The following CDSN variants were observed in gnomAD, a reference collection of about 807,000 sequenced individuals.
CDSN encodes the protein S protein.
In CDSN, 11 loss-of-function variants were observed where a neutral mutation model predicts 25.6. The ratio of observed to expected loss-of-function variants is 0.43; its 90% CI spans 0.27 to 0.71. CDSN has a LOEUF of 0.71. Among genes scored for constraint, CDSN ranks in the 30% least tolerant of loss-of-function variants. CDSN has a pLI of 0.20. For synonymous variants in CDSN, 266 were observed against 267.4 expected, an observed-to-expected ratio of 0.99 and a Z score of 0.05; for missense variants, 598 against 670.9, an observed-to-expected ratio of 0.89 and a Z score of 1.20.
chr6:31,119,728 T>C (rs1772361165), intron 1 of CDSN, among the ~76,000 whole-genome samples: 1 of 148,090 alleles, frequency 6.8e-6, no homozygotes, highest in Non-Finnish European at 1.5e-5. Flanking sequence ...TGAAACCCTG[T>C]TTCTACTAAA....
In CDSN at chr6:31,116,757, G is replaced by A; in HGVS notation, c.858C>T (p.Ile286=). 9 of 1,613,182 alleles carry A rather than the reference G, an allele frequency of 5.6e-6. No individual in the cohort carries two copies. Among genetic ancestry groups the A allele is most frequent in the Non-Finnish European group, 7.6e-6 (9 of 1,180,028 alleles). The stretch of plus-strand genomic sequence containing the variant: ...CACCATAGGATTTGTCTACAGAGGT[G>A]ATTGGGGGACAGGGCTTGCCTGGAA... ...GGLPGKPCPP[I]TSVDKSYGGY... Residue 286 remains isoleucine (I), a synonymous_variant, in exon 2 of 2, where the codon ATC becomes ATT. Coordinates refer to ENST00000376288, the MANE Select transcript of CDSN (RefSeq NM_001264.5).
At chr6:31,118,669 C>T (rs1034624080) in intron 1 of CDSN, 7 of 152,284 alleles carry the variant, frequency 4.6e-5, no homozygotes, top group African/African-American at 1.7e-4. Context: ...TCTGCCTTCC[C>T]TAGCCCCTCC....
At position 31,117,490 on chromosome 6, in the gene CDSN, C is replaced by G. The variant is rs1439715201; in HGVS notation, c.125G>C (p.Cys42Ser). 5 of 1,552,174 alleles carry G rather than the reference C, an allele frequency of 3.2e-6. No individual in the cohort carries two copies. In the South Asian group the frequency reaches 5.9e-5, roughly 18 times the overall value. The change falls in exon 2 of 2, where the codon TGT becomes TCT. Residue 42 changes from cysteine to serine, a missense_variant. Transcript: ENST00000376288. ...AKSIGTFSDP[C>S]KDPTRITSPN... Reference sequence around the variant, plus strand: ...GGAGGTGATACGCGTGGGGTCCTTACAAGGGTCTGAGAAGGTGCCAATGCT... The same window carrying G: ...GGAGGTGATACGCGTGGGGTCCTTAGAAGGGTCTGAGAAGGTGCCAATGCT...
In CDSN at chr6:31,115,116, TTCC is replaced by T. The variant is rs1357352185; in HGVS notation, c.*906_*908del. On this transcript the variant is annotated 3_prime_UTR_variant, in exon 2 of 2. Transcript: ENST00000376288. This position sits in a 1 kb window ranked among gnomAD's most constrained non-coding sequence, Gnocchi z 4.2. ...TTCAGTTCAACAAATATTTATTGTCTTCCTCCTCTGTGGGAGCAGCTGGAAGGT... is the reference window on the plus strand; with the variant it reads ...TTCAGTTCAACAAATATTTATTGTCTTCCTCTGTGGGAGCAGCTGGAAGGT... 3 of 351,912 alleles carry T rather than the reference TTCC, an allele frequency of 8.5e-6. No individual in the cohort carries two copies. The highest frequency in any genetic ancestry group is 6.4e-5 in the African/African-American group (3 of 46,518). The allele number at this position is 351,912 out of a possible 1,614,324, so 21.8% of individuals were successfully genotyped here.
chr6:31,117,192 C>G lies in CDSN; in HGVS notation c.423G>C (p.Ser141=), dbSNP rs993254791. ...SSQLGSSSSH[S]GNSGSHSGSS... ...TTCCCGAGTGAGAGCCGCTGTTTCC[C>G]GAGTGAGAGCTGCTGCTCCCCAGCT... The change falls in exon 2 of 2, where the codon TCG becomes TCC. Residue 141 remains serine, a synonymous_variant. Transcript: ENST00000376288. The G allele has an allele frequency of 1.2e-6, 2 of 1,613,220 alleles. No homozygotes were observed. The highest frequency in any genetic ancestry group is 1.3e-5 in the African/African-American group (1 of 75,052).
chr6:31,117,353 A>T lies in CDSN; in HGVS notation c.262T>A (p.Ser88Thr). 6.3e-7 allele frequency: 1 copy of T among 1,577,602 alleles called. No homozygotes were observed. Among genetic ancestry groups the T allele is most frequent in the Non-Finnish European group, 8.6e-7 (1 of 1,161,360 alleles). Residue 88 changes from serine (S) to threonine (T), a missense_variant, in exon 2 of 2, where the codon TCC becomes ACC. By Grantham distance (58) the Ser-to-Thr change is moderately conservative. Coordinates refer to ENST00000376288, the MANE Select transcript of CDSN (RefSeq NM_001264.5). ...ISSARSSGGGSSGSSSGSSIA... is the reference protein window; with the variant it reads ...ISSARSSGGGTSGSSSGSSIA... Reference sequence around the variant, plus strand: ...CTGGATCCGCTGGAGCTACCACTGGAGCCACCACCAGAGCTTCTGGCACTG... The same window carrying T: ...CTGGATCCGCTGGAGCTACCACTGGTGCCACCACCAGAGCTTCTGGCACTG...
chr6:31,116,432 T>C lies in CDSN; in HGVS notation c.1183A>G (p.Ser395Gly). 1 of 1,590,660 alleles carries C rather than the reference T, an allele frequency of 6.3e-7. No individual in the cohort carries two copies. Among genetic ancestry groups the C allele is most frequent in the Non-Finnish European group, 8.6e-7 (1 of 1,168,412 alleles). ...TGSKGPCSPSSSRVPSSSSIS... is the reference protein window; with the variant it reads ...TGSKGPCSPSGSRVPSSSSIS... ...CTAGAACTGCTGGGGACTCGAGAAC[T>C]GGAGGGAGAGCAGGGTCCCTTGGAG... is the stretch of plus-strand genomic sequence containing the variant. The change falls in exon 2 of 2, where the codon AGT becomes GGT. Residue 395 changes from serine (S) to glycine (G), a missense_variant. Coordinates refer to ENST00000376288, the MANE Select transcript of CDSN (RefSeq NM_001264.5).
In CDSN at chr6:31,115,298, G is replaced by C. The variant is rs113009202; in HGVS notation, c.*727C>G. 4.1e-4 allele frequency: 82 copies of C among 201,734 alleles called. 1 individual carries two copies. Among genetic ancestry groups the C allele is most frequent in the African/African-American group, 1.8e-3 (78 of 42,678 alleles). 12.5% of individuals were successfully genotyped at this position (201,734 alleles called of 1,614,324 possible). A position where few individuals can be genotyped will look rare whatever the true frequency, so the allele number is the denominator to read the frequency against. ...GTCCCCACAGTTTACTGAGCCATCT[G>C]TCCAGGATCCAGGGACAGCAGGGAG... On this transcript the variant is annotated 3_prime_UTR_variant, in exon 2 of 2. Transcript: ENST00000376288. This position sits in a 1 kb window ranked among gnomAD's most constrained non-coding sequence, Gnocchi z 4.2.
chr6:31,117,406 C>G lies in CDSN; in HGVS notation c.209G>C (p.Gly70Ala). 6.4e-7 allele frequency: 1 copy of G among 1,567,990 alleles called. No individual in the cohort carries two copies. The highest frequency in any genetic ancestry group is 8.6e-7 in the Non-Finnish European group (1 of 1,156,898). The change falls in exon 2 of 2, where the codon GGC (glycine) becomes GCC (alanine). Residue 70 changes from glycine (G) to alanine (A), a missense_variant. Gly to Ala is a moderately conservative substitution (Grantham distance 60, BLOSUM62 0). Coordinates refer to ENST00000376288, the MANE Select transcript of CDSN (RefSeq NM_001264.5). ...GDSSGFSSYS[G>A]SSSSGSSISS... ...AATGGAGCTGCCAGAACTGCTGGAG[C>G]CACTGTAGCTACTGAAACCGCTGGA...
Position 31,117,507 on chromosome 6 carries a change from G to T in CDSN, c.108C>A (p.Gly36=). The part of the protein sequence containing the change: ...LLPGTLAKSI[G]TFSDPCKDPT... ...GGTCCTTACAAGGGTCTGAGAAGGT[G>T]CCAATGCTCTTAGCCAAGGTCCCTG... The change falls in exon 2 of 2, where the codon GGC becomes GGA. Residue 36 remains glycine (G), a synonymous_variant. Transcript: ENST00000376288. The T allele has an allele frequency of 6.4e-7, 1 of 1,551,010 alleles. No homozygotes were observed.
chr6:31,119,125 C>G (rs1367574332), intron 1 of CDSN, among the ~76,000 whole-genome samples: 1 of 151,962 alleles, frequency 6.6e-6, no homozygotes, highest in Non-Finnish European at 1.5e-5. Flanking sequence ...ATTACAGGCA[C>G]AAGCTATCAT....
Position 31,115,771 on chromosome 6 carries a change from G to A in CDSN, c.*254C>T, listed in dbSNP as rs909286721. On this transcript the variant is annotated 3_prime_UTR_variant, in exon 2 of 2. Transcript: ENST00000376288. The surrounding 1 kb of genome is among the most constrained non-coding windows in gnomAD (Gnocchi z 4.2). ...TGGTGATCTGGCTGAGGGGCACTGT[G>A]GTGGAATGGGAATTTAAACAGTAGG... The A allele has an allele frequency of 2.9e-5, 16 of 553,162 alleles. No homozygotes were observed. Among genetic ancestry groups the A allele is most frequent in the Non-Finnish European group, 4.8e-5 (15 of 311,562 alleles). 34.3% of individuals were successfully genotyped at this position (553,162 alleles called of 1,614,324 possible).
rs117951780 is a variant in CDSN, at chr6:31,116,257, C to A, written c.1358G>T (p.Ser453Ile). ...AGACATGCAAGGGTGACCAGAAGAG[C>A]TGGACTTGCTGCCACAAGGCTGAAG... ...IILQPCGSKS[S>I]SSGHPCMSVS... Residue 453 changes from serine to isoleucine, a missense_variant, in exon 2 of 2, where the codon AGC becomes ATC. By Grantham distance (142) the Ser-to-Ile change is moderately radical. Coordinates refer to ENST00000376288, the MANE Select transcript of CDSN (RefSeq NM_001264.5). 9 of 1,613,952 alleles carry A rather than the reference C, an allele frequency of 5.6e-6. No homozygotes were observed. In the Admixed American group the frequency reaches 1.2e-4, roughly 21 times the overall value.
rs751243454 is a variant in CDSN at position 31,120,354 on chromosome 6, C to T, written c.66G>A (p.Leu22=). 3.8e-6 allele frequency: 6 copies of T among 1,590,390 alleles called. No individual in the cohort carries two copies. Among genetic ancestry groups the T allele is most frequent in the Admixed American group, 3.5e-5 (2 of 56,594 alleles). The change falls in exon 1 of 2, where the codon CTG becomes CTA. Residue 22 remains leucine, a synonymous_variant. Coordinates refer to ENST00000376288, the MANE Select transcript of CDSN (RefSeq NM_001264.5). ...VGGHGMMALL[L]AGLLLPGTLA... ...TCCTACCTGGCAGGAGGAGACCAGC[C>T]AGCAGCAGTGCCATCATCCCGTGCC... is the stretch of plus-strand genomic sequence containing the variant.
In CDSN at chr6:31,115,725, A is replaced by C; in HGVS notation, c.*300T>G. The C allele has an allele frequency of 2.1e-6, 1 of 480,590 alleles. No homozygotes were observed. Among genetic ancestry groups the C allele is most frequent in the South Asian group, 4.0e-5 (1 of 25,200 alleles). The allele number at this position is 480,590 out of a possible 1,614,324, so 29.8% of individuals were successfully genotyped here. On this transcript the variant is annotated 3_prime_UTR_variant, in exon 2 of 2. Coordinates refer to ENST00000376288, the MANE Select transcript of CDSN (RefSeq NM_001264.5). The surrounding 1 kb of genome is among the most constrained non-coding windows in gnomAD (Gnocchi z 4.2). ...GTTACTCAATGGACCATTTCCACAC[A>C]GTAGAGGGAATTGTAAGGGGTGGTG...
chr6:31,115,203 C>G lies in CDSN; in HGVS notation c.*822G>C, dbSNP rs1006393280. ...TGAGGAACACAGAGACCTCTAGAGGCGTAGGAAGAGCACCACCCAGACTCT... is the reference window on the plus strand; with the variant it reads ...TGAGGAACACAGAGACCTCTAGAGGGGTAGGAAGAGCACCACCCAGACTCT... On this transcript the variant is annotated 3_prime_UTR_variant, in exon 2 of 2. Coordinates refer to ENST00000376288, the MANE Select transcript of CDSN (RefSeq NM_001264.5). The surrounding 1 kb of genome is among the most constrained non-coding windows in gnomAD (Gnocchi z 4.2). The G allele has an allele frequency of 3.3e-6, 1 of 302,538 alleles. No individual in the cohort carries two copies. The allele number at this position is 302,538 out of a possible 1,614,324, so 18.7% of individuals were successfully genotyped here. A position where few individuals can be genotyped will look rare whatever the true frequency, so the allele number is the denominator to read the frequency against.
rs772462110 is a variant in CDSN at position 31,120,390 on chromosome 6, C to T, written c.30G>A (p.Gly10=). 1.3e-6 allele frequency: 2 copies of T among 1,593,674 alleles called. No individual in the cohort carries two copies. Among genetic ancestry groups the T allele is most frequent in the Non-Finnish European group, 1.7e-6 (2 of 1,170,842 alleles). The change falls in exon 1 of 2, where the codon GGG becomes GGA. Residue 10 remains glycine, a synonymous_variant. Coordinates refer to ENST00000376288, the MANE Select transcript of CDSN (RefSeq NM_001264.5). Reference sequence around the variant, plus strand: ...CCATCATCCCGTGCCCACCCACACGCCCCATCCAGGGTGCCCGAGACGAGC... The same window carrying T: ...CCATCATCCCGTGCCCACCCACACGTCCCATCCAGGGTGCCCGAGACGAGC... MGSSRAPWM[G]RVGGHGMMAL...
chr6:31,115,559 T>C lies in CDSN; in HGVS notation c.*466A>G, dbSNP rs1772063722. On this transcript the variant is annotated 3_prime_UTR_variant, in exon 2 of 2. Transcript: ENST00000376288. This position sits in a 1 kb window ranked among gnomAD's most constrained non-coding sequence, Gnocchi z 4.2. ...TGACTAGATGTCGAAGAAAGGTCAG[T>C]GAAAAGTGGCCACTGTTTCCAGATG... 1 of 176,734 alleles carries C rather than the reference T, an allele frequency of 5.7e-6. No individual in the cohort carries two copies. The highest frequency in any genetic ancestry group is 2.4e-5 in the African/African-American group (1 of 42,102). The allele number at this position is 176,734 out of a possible 1,614,324, so 10.9% of individuals were successfully genotyped here.
At chr6:31,118,076 GA>G in intron 1 of CDSN, 1 of 156,078 alleles carries the variant, frequency 6.4e-6, no homozygotes, top group Non-Finnish European at 1.4e-5. Flanking sequence ...ATTCTTAGGG[GA>G]AAAATCCTGG....
Sources: gnomAD v4.1 joint callset for allele counts (sites outside exome capture counted in the v4.1 genomes callset) on GRCh38, gnomAD v4.1.1 for gene constraint, Gnocchi (gnomAD v3.1) non-coding constraint, MANE v1.5 for transcripts, NCBI Gene and HGNC (gene_info 2026-07-23, HGNC 2026-07-21) for gene names.